Variants in KRABD4 observed in about 807,000 individuals in gnomAD.
KRABD4 encodes KRAB domain-containing protein 4.
the KRABD4 span, among the ~76,000 whole-genome samples, chrX:46,464,144 T>G: frequency 2.4e-4 from 27 of 111,503 alleles, no homozygotes; most frequent in Non-Finnish European, 4.0e-4. Context: ...AACTGCTTTT[T>G]CCTTGTCTAT....
chrX:46,468,901 A>G, the KRABD4 span, among the ~76,000 whole-genome samples: 1 of 111,933 alleles, frequency 8.9e-6, no homozygotes, highest in African/African-American at 3.2e-5. Context: ...CCAAAATCCA[A>G]AACTTCTTGA....
chrX:46,470,135 C>T, the KRABD4 span, among the ~76,000 whole-genome samples: 38 of 111,350 alleles, frequency 3.4e-4, no homozygotes, highest in Middle Eastern at 9.2e-3. Flanking sequence ...ATTAAACATT[C>T]TGTATTGAGA....
At chrX:46,455,718 T>C in the KRABD4 span, 1 of 382,534 alleles carries the variant, frequency 2.6e-6, no homozygotes, top group Non-Finnish European at 4.8e-6. Context: ...GTGAACGTTA[T>C]TCAGTTCTTT....
chrX:46,450,105 T>G, the KRABD4 span, among the ~76,000 whole-genome samples: 1 of 112,265 alleles, frequency 8.9e-6, no homozygotes, highest in East Asian at 2.8e-4. Context: ...CAGTTAACAT[T>G]CTTTCAGCTT....
At chrX:46,466,157 T>C in the KRABD4 span, among the ~76,000 whole-genome samples, 2 of 111,855 alleles carry the variant, frequency 1.8e-5, no homozygotes, top group Admixed American at 9.5e-5. Context: ...AACTGAAATT[T>C]ATTTCAAGTT....
At chrX:46,464,985 G>C in the KRABD4 span, among the ~76,000 whole-genome samples, 1 of 111,735 alleles carries the variant, frequency 8.9e-6, no homozygotes, top group African/African-American at 3.3e-5. Flanking sequence ...CATAGGTTTA[G>C]GGAATGCCTT....
At chrX:46,455,461 G>T in the KRABD4 span, 473 of 428,367 alleles carry the variant, frequency 1.1e-3, 6 homozygotes, top group African/African-American at 0.011. Flanking sequence ...CACTACCTCA[G>T]GCTTGCCTTT....
At chrX:46,458,696 C>A in the KRABD4 span, among the ~76,000 whole-genome samples, 5 of 111,566 alleles carry the variant, frequency 4.5e-5, no homozygotes, top group Admixed American at 4.8e-4. Flanking sequence ...GGACTCCATC[C>A]TAGTGAAATA....
At chrX:46,468,745 A>G in the KRABD4 span, among the ~76,000 whole-genome samples, 1 of 111,972 alleles carries the variant, frequency 8.9e-6, no homozygotes. Context: ...ATAAGTTACT[A>G]TCAAATATTC....
At chrX:46,447,300 C>G in the KRABD4 span, 2 of 111,420 alleles carry the variant, frequency 1.8e-5, no homozygotes, top group Admixed American at 9.4e-5. Context: ...CTAGTTCACA[C>G]TGGCTGTTGT....
the KRABD4 span, among the ~76,000 whole-genome samples, chrX:46,451,832 A>G: frequency 8.8e-6 from 1 of 113,045 alleles, no homozygotes; most frequent in Non-Finnish European, 1.9e-5. Flanking sequence ...ATGTCAAAAT[A>G]TTAAAAATAC....
the KRABD4 span, chrX:46,473,098 C>T: frequency 1.0e-4 from 122 of 1,190,321 alleles, no homozygotes; most frequent in South Asian, 6.6e-4. Context: ...CCCTAATCAA[C>T]GAGGGAAAGC....
At chrX:46,470,148 A>G in the KRABD4 span, among the ~76,000 whole-genome samples, 1 of 111,551 alleles carries the variant, frequency 9.0e-6, no homozygotes, top group Non-Finnish European at 1.9e-5. Context: ...TATTGAGATA[A>G]TCATAGATTC....
the KRABD4 span, among the ~76,000 whole-genome samples, chrX:46,459,193 A>C: frequency 9.1e-6 from 1 of 109,827 alleles, no homozygotes; most frequent in South Asian, 4.0e-4. Context: ...GCATGCCTGT[A>C]ATCCCACCTA....
chrX:46,460,475 C>T, the KRABD4 span, among the ~76,000 whole-genome samples: 1 of 108,948 alleles, frequency 9.2e-6, no homozygotes, highest in Non-Finnish European at 1.9e-5. Flanking sequence ...ACAGATGAAC[C>T]GCCAGATGGA....
chrX:46,450,382 T>C, the KRABD4 span: 3 of 818,436 alleles, frequency 3.7e-6, no homozygotes, highest in Non-Finnish European at 5.5e-6. Context: ...GTAATGATGG[T>C]CTAATGGCTG....
At chrX:46,466,035 T>C in the KRABD4 span, among the ~76,000 whole-genome samples, 7 of 111,973 alleles carry the variant, frequency 6.3e-5, no homozygotes, top group East Asian at 1.7e-3. Flanking sequence ...CTCTGGTTGG[T>C]CCCATAAGTT....
chrX:46,457,989 G>T, the KRABD4 span, among the ~76,000 whole-genome samples: 3 of 111,271 alleles, frequency 2.7e-5, no homozygotes, highest in Non-Finnish European at 3.8e-5. Flanking sequence ...TGGTCCACCC[G>T]CCTTGGCCTC....
chrX:46,449,672 A>C, the KRABD4 span, among the ~76,000 whole-genome samples: 1 of 112,660 alleles, frequency 8.9e-6, no homozygotes, highest in Non-Finnish European at 1.9e-5. Flanking sequence ...ATTCCATAGC[A>C]TTTTGAAAGG....
Sources: gnomAD v4.1 joint callset for allele counts (sites outside exome capture counted in the v4.1 genomes callset) on GRCh38, gnomAD v4.1.1 for gene constraint, MANE v1.5 for transcripts, NCBI Gene and HGNC (gene_info 2026-07-23, HGNC 2026-07-21) for gene names.